The following LMX1B variants were observed in gnomAD, a reference collection of about 807,000 sequenced individuals.
The protein encoded by LMX1B is LIM homeobox transcription factor 1 beta.
In LMX1B, 12 loss-of-function variants were observed where a neutral mutation model predicts 51.4. The observed-to-expected ratio is 0.23, with a 90% confidence interval of 0.15 to 0.38. The LOEUF (loss-of-function observed/expected upper bound fraction) is 0.38, where lower values mean the gene tolerates loss of function less well. Ranked by LOEUF, LMX1B falls within the 10% of genes least tolerant of loss-of-function variation. The pLI is 1.00. For missense variants in LMX1B, 445 were observed against 571.1 expected (o/e 0.78, Z 2.25); for synonymous variants, 237 against 235.4 (o/e 1.01, Z -0.06).
intron 2 of LMX1B, among the ~76,000 whole-genome samples, chr9:126,639,616 T>G (rs1478128030): frequency 1.3e-5 from 2 of 152,188 alleles, no homozygotes; most frequent in African/African-American, 4.8e-5. Flanking sequence ...CCCCCTGTTA[T>G]TGCCGCAGCC....
chr9:126,614,418 G>A lies in LMX1B; in HGVS notation c.-32G>A. 7.0e-7 allele frequency: 1 copy of A among 1,438,322 alleles called. No individual in the cohort carries two copies. The highest frequency in any genetic ancestry group is 9.2e-7 in the Non-Finnish European group (1 of 1,091,140). 89.1% of individuals were successfully genotyped at this position (1,438,322 alleles called of 1,614,324 possible). A position where few individuals can be genotyped will look rare whatever the true frequency, so the allele number is the denominator to read the frequency against. ...GACGGGCCGGCGGGCGAGCAGCCCG[G>A]CCGGCGGGGTCCGCAGCGCGCCCCG... On this transcript the variant is annotated 5_prime_UTR_variant, in exon 1 of 8. Transcript: ENST00000373474.
At chr9:126,660,260 C>T (rs1446052032) in intron 2 of LMX1B, among the ~76,000 whole-genome samples, 1 of 145,272 alleles carries the variant, frequency 6.9e-6, no homozygotes, top group East Asian at 2.0e-4. Flanking sequence ...GGTGTCTACC[C>T]TAGCCTTAGA....
chr9:126,640,190 G>T (rs1835783500), intron 2 of LMX1B, among the ~76,000 whole-genome samples: 2 of 152,222 alleles, frequency 1.3e-5, no homozygotes, highest in Admixed American at 1.3e-4. Context: ...GATGCCTGCT[G>T]CTTCCAGAGC....
At chr9:126,680,496 T>C (rs1294743813) in intron 2 of LMX1B, among the ~76,000 whole-genome samples, 2 of 152,200 alleles carry the variant, frequency 1.3e-5, no homozygotes, top group African/African-American at 4.8e-5. Context: ...CAACAGTCAA[T>C]ACATCTTAGT....
Position 126,697,213 on chromosome 9 carries a change from G to C in LMX1B, c.*762G>C, listed in dbSNP as rs2030370483. 6.6e-6 allele frequency: 1 copy of C among 152,506 alleles called. No individual in the cohort carries two copies. Among genetic ancestry groups the C allele is most frequent in the African/African-American group, 2.4e-5 (1 of 41,432 alleles). 9.4% of individuals were successfully genotyped at this position (152,506 alleles called of 1,614,324 possible). ...GTTCTTAAGAGCGATTGGAAAGGGA[G>C]GAAGGGGAGAGGAAGAGGCGAACTT... On this transcript the variant is annotated 3_prime_UTR_variant, in exon 8 of 8. Transcript: ENST00000373474.
Position 126,615,632 on chromosome 9 carries a change from C to T in LMX1B, c.326+63C>T. On this transcript the variant is annotated intron_variant, in intron 2 of 7. Transcript: ENST00000373474. The surrounding 1 kb of genome is among the most constrained non-coding windows in gnomAD (Gnocchi z 6.0). ...GCACTCGAGCCCGGTCAGCCCCCTG[C>T]CGGGCCCGGCCCGCGCCCGCTCTGC... 6.8e-7 allele frequency: 1 copy of T among 1,475,342 alleles called. No individual in the cohort carries two copies. Among genetic ancestry groups the T allele is most frequent in the Admixed American group, 2.0e-5 (1 of 49,388 alleles). The allele number at this position is 1,475,342 out of a possible 1,614,324, so 91.4% of individuals were successfully genotyped here.
intron 3 of LMX1B, among the ~76,000 whole-genome samples, chr9:126,692,060 A>T (rs2030151719): frequency 6.6e-6 from 1 of 152,220 alleles, no homozygotes; most frequent in African/African-American, 2.4e-5. Flanking sequence ...CCGGTCTGCC[A>T]GGCCCCATGG....
rs1835798613 is a variant in LMX1B, at chr9:126,641,046, G to A, written c.326+25477G>A. 6.6e-6 allele frequency: 1 copy of A among 152,268 alleles called. No individual in the cohort carries two copies. Among genetic ancestry groups the A allele is most frequent in the African/African-American group, 2.4e-5 (1 of 41,436 alleles). The allele number at this position is 152,268 out of a possible 1,614,324, so 9.4% of individuals were successfully genotyped here. A position where few individuals can be genotyped will look rare whatever the true frequency, so the allele number is the denominator to read the frequency against. ...AGTGACCTGCCTGGAAGTGACCAGG[G>A]GAAACGGTCCAAGACGAGTACACCG... On this transcript the variant is annotated intron_variant, in intron 2 of 7. Transcript: ENST00000373474. This position sits in a 1 kb window ranked among gnomAD's most constrained non-coding sequence, Gnocchi z 4.1.
rs1835529775 is a variant in LMX1B at position 126,626,258 on chromosome 9, G to A, written c.326+10689G>A. 6.6e-6 allele frequency among the ~76,000 whole-genome samples: 1 copy of A among 152,248 alleles called. No individual in the cohort carries two copies. Among genetic ancestry groups the A allele is most frequent in the Non-Finnish European group, 1.5e-5 (1 of 68,036 alleles). On this transcript the variant is annotated intron_variant, in intron 2 of 7. Coordinates refer to ENST00000373474, the MANE Select transcript of LMX1B (RefSeq NM_001174147.2). This position sits in a 1 kb window ranked among gnomAD's most constrained non-coding sequence, Gnocchi z 4.3. Reference sequence around the variant, plus strand: ...CTCCTGCGCGCCGAGCCCAGGCTCCGGGCGCAGGGAGGATCGGGCTGAGAG... The same window carrying A: ...CTCCTGCGCGCCGAGCCCAGGCTCCAGGCGCAGGGAGGATCGGGCTGAGAG...
chr9:126,626,813 G>A lies in LMX1B; in HGVS notation c.326+11244G>A, dbSNP rs1835542689. 6.6e-6 allele frequency among the ~76,000 whole-genome samples: 1 copy of A among 152,176 alleles called. No individual in the cohort carries two copies. The highest frequency in any genetic ancestry group is 2.4e-5 in the African/African-American group (1 of 41,432). ...CCCCGCGGCGGTGATTTGTGTGCGG[G>A]GGTCTGTGACCCTGCAAGCATCAAA... On this transcript the variant is annotated intron_variant, in intron 2 of 7. Transcript: ENST00000373474. This position sits in a 1 kb window ranked among gnomAD's most constrained non-coding sequence, Gnocchi z 4.3.
intron 2 of LMX1B, among the ~76,000 whole-genome samples, chr9:126,685,127 G>A (rs1836747546): frequency 6.6e-6 from 1 of 152,162 alleles, no homozygotes; most frequent in Non-Finnish European, 1.5e-5. Flanking sequence ...CTGGGATTCT[G>A]GCTATCAGGG....
At chr9:126,623,798 G>A (rs1835465068) in intron 2 of LMX1B, among the ~76,000 whole-genome samples, 1 of 152,174 alleles carries the variant, frequency 6.6e-6, no homozygotes, top group Non-Finnish European at 1.5e-5. Context: ...CCTGGCCAGC[G>A]GAAGAAAAAG....
At position 126,618,388 on chromosome 9, in the gene LMX1B, G is replaced by A. The variant is rs1366146384; in HGVS notation, c.326+2819G>A. ...CCACGGGGGTGATTAATTGACACTGGGGCACATTGAGCCGAATTTGATAAA... is the reference window on the plus strand; with the variant it reads ...CCACGGGGGTGATTAATTGACACTGAGGCACATTGAGCCGAATTTGATAAA... On this transcript the variant is annotated intron_variant, in intron 2 of 7. Transcript: ENST00000373474. The surrounding 1 kb of genome is among the most constrained non-coding windows in gnomAD (Gnocchi z 4.5). Among the ~76,000 whole-genome samples, 1 of 152,156 alleles carries A rather than the reference G, an allele frequency of 6.6e-6. No individual in the cohort carries two copies. The highest frequency in any genetic ancestry group is 1.5e-5 in the Non-Finnish European group (1 of 68,028).
Position 126,660,398 on chromosome 9 carries a change from C to T in LMX1B, c.327-30438C>T, listed in dbSNP as rs1836222064. On this transcript the variant is annotated intron_variant, in intron 2 of 7. Coordinates refer to ENST00000373474, the MANE Select transcript of LMX1B (RefSeq NM_001174147.2). Reference sequence around the variant, plus strand: ...GCTTTCTGTGGTCCGTGTACAACTGCTTGGAGCTGCCCAAGAAGTGACTTC... The same window carrying T: ...GCTTTCTGTGGTCCGTGTACAACTGTTTGGAGCTGCCCAAGAAGTGACTTC... Among the ~76,000 whole-genome samples the T allele has an allele frequency of 2.0e-5, 3 of 152,128 alleles. No homozygotes were observed. The South Asian group carries it at 6.2e-4, about 31-fold the overall frequency.
intron 2 of LMX1B, among the ~76,000 whole-genome samples, chr9:126,686,279 CA>C (rs5900718): frequency 1.7e-3 from 163 of 93,866 alleles, no homozygotes; most frequent in South Asian, 3.0e-3. Flanking sequence ...GACTCCATCT[CA>C]AAAAAAAAAA....
intron 2 of LMX1B, among the ~76,000 whole-genome samples, chr9:126,648,307 C>T (rs1835939600): frequency 1.3e-5 from 2 of 152,164 alleles, no homozygotes; most frequent in East Asian, 1.9e-4. Context: ...AAGGAGGCTT[C>T]GAGGCTCCCT....
chr9:126,656,383 TTAGATAGATAGATAGA>T (rs3052900), intron 2 of LMX1B, among the ~76,000 whole-genome samples: 15,144 of 143,888 alleles, frequency 0.11, 1,019 homozygotes, highest in South Asian at 0.17. Flanking sequence ...GATCTGGTCT[TTAGATAGATAGATAGA>T]TAGATAGATA....
At chr9:126,635,613 A>T (rs1835700831) in intron 2 of LMX1B, among the ~76,000 whole-genome samples, 1 of 152,222 alleles carries the variant, frequency 6.6e-6, no homozygotes, top group Non-Finnish European at 1.5e-5. Context: ...CACCTGTAAA[A>T]TTGTTATTCT....
At chr9:126,649,925 G>A (rs1399360283) in intron 2 of LMX1B, among the ~76,000 whole-genome samples, 1 of 152,234 alleles carries the variant, frequency 6.6e-6, no homozygotes. Flanking sequence ...ACCGAGCCTG[G>A]CAGAGAACCA....
Sources: allele counts gnomAD v4.1 joint callset (sites outside exome capture counted in the v4.1 genomes callset), GRCh38; gene constraint gnomAD v4.1.1; non-coding constraint Gnocchi (gnomAD v3.1); transcripts MANE v1.5; gene names NCBI Gene and HGNC (gene_info 2026-07-23, HGNC 2026-07-21).